SULF2: variants seen among roughly 807,000 people sequenced by gnomAD.
SULF2 encodes extracellular sulfatase Sulf-2.
A neutral mutation model predicts 107.7 loss-of-function variants in SULF2; 52 were observed. That is an observed-to-expected ratio of 0.48 (90% CI 0.39 to 0.61). SULF2 has a LOEUF of 0.61. Among genes scored for constraint, SULF2 ranks in the 20% least tolerant of loss-of-function variants. SULF2 has a pLI of 0.00. For synonymous variants in SULF2, 460 were observed against 464.3 expected, an observed-to-expected ratio of 0.99 and a Z score of 0.12; for missense variants, 993 against 1,177.3, an observed-to-expected ratio of 0.84 and a Z score of 2.29.
intron 10 of SULF2, among the ~76,000 whole-genome samples, chr20:47,674,669 C>T (rs1355211441): frequency 6.6e-6 from 1 of 152,170 alleles, no homozygotes; most frequent in African/African-American, 2.4e-5. Context: ...CACGTTTGTT[C>T]AGCAAATGAC....
intron 13 of SULF2, 114 bp downstream of exon 13, chr20:47,665,743 T>C (rs941043593): frequency 2.4e-6 from 2 of 838,004 alleles, no homozygotes; most frequent in Non-Finnish European, 3.9e-6. Flanking sequence ...GGACCTCACT[T>C]CACCTCTCCA....
chr20:47,768,524 C>T (rs187858670), intron 1 of SULF2, among the ~76,000 whole-genome samples: 2 of 152,366 alleles, frequency 1.3e-5, no homozygotes, highest in East Asian at 3.9e-4. Flanking sequence ...GCTTCCTGGC[C>T]ACCTCGTGCC....
intron 1 of SULF2, among the ~76,000 whole-genome samples, chr20:47,780,174 A>C (rs1472906910): frequency 6.7e-6 from 1 of 150,026 alleles, no homozygotes; most frequent in Non-Finnish European, 1.5e-5. Flanking sequence ...GTGCCACCAC[A>C]CCTGGCTAAT....
chr20:47,658,932 T>G (rs2086979974), intron 20 of SULF2, among the ~76,000 whole-genome samples: 1 of 152,206 alleles, frequency 6.6e-6, no homozygotes. Flanking sequence ...ACTGGCCTGC[T>G]CCCTTTAGAA....
intron 2 of SULF2, among the ~76,000 whole-genome samples, chr20:47,756,148 A>G (rs1356546530): frequency 6.6e-6 from 1 of 152,230 alleles, no homozygotes; most frequent in African/African-American, 2.4e-5. Flanking sequence ...TGTGAGACCA[A>G]GAAGCTCTGA....
rs1278697937 is a variant in SULF2, at chr20:47,658,316, G to A, written c.*46C>T. On this transcript the variant is annotated 3_prime_UTR_variant, in exon 21 of 21. Coordinates refer to ENST00000688720, the MANE Select transcript of SULF2 (RefSeq NM_001387048.1). ...CACATGGTTTTTCATTGCCTGTGCA[G>A]TCAGGTGATGCCTCTATGTTTTTGG... 6.2e-7 allele frequency: 1 copy of A among 1,604,958 alleles called. No individual in the cohort carries two copies. Among genetic ancestry groups the A allele is most frequent in the African/African-American group, 1.3e-5 (1 of 74,734 alleles).
Position 47,666,311 on chromosome 20 carries a change from G to T in SULF2, c.1754C>A (p.Thr585Asn). 1 of 1,614,260 alleles carries T rather than the reference G, an allele frequency of 6.2e-7. No homozygotes were observed. The highest frequency in any genetic ancestry group is 8.5e-7 in the Non-Finnish European group (1 of 1,180,058). Residue 585 changes from threonine to asparagine, a missense_variant, in exon 12 of 21, where the codon ACT (threonine) becomes AAT (asparagine). Coordinates refer to ENST00000688720, the MANE Select transcript of SULF2 (RefSeq NM_001387048.1). This position sits in a 1 kb window ranked among gnomAD's most constrained non-coding sequence, Gnocchi z 5.4. ...GGCTGAGTAGTCGGGAAGGCCTCCA[G>T]TGCCACTGAAGTCCCCACCATCCTT... ...DDKDGGDFSG[T>N]GGLPDYSAAN...
chr20:47,659,961 A>T (rs1320629060), intron 18 of SULF2, among the ~76,000 whole-genome samples: 2 of 152,192 alleles, frequency 1.3e-5, no homozygotes, highest in African/African-American at 2.4e-5. Flanking sequence ...CACCATGATC[A>T]GTTTCAGGAC....
chr20:47,701,116 G>A (rs906215403), intron 4 of SULF2, among the ~76,000 whole-genome samples: 4 of 152,196 alleles, frequency 2.6e-5, no homozygotes, highest in Non-Finnish European at 5.9e-5. Flanking sequence ...GTTGTTGAAT[G>A]AATAAATAAT....
At chr20:47,742,113 T>C (rs2089898523) in intron 2 of SULF2, among the ~76,000 whole-genome samples, 1 of 152,234 alleles carries the variant, frequency 6.6e-6, no homozygotes, top group African/African-American at 2.4e-5. Flanking sequence ...CAGTGCTATG[T>C]GCTAAGCCTC....
At chr20:47,706,422 G>C (rs192725245) in intron 3 of SULF2, 3 of 152,324 alleles carry the variant, frequency 2.0e-5, no homozygotes, top group Admixed American at 1.3e-4. Context: ...TTGTGGGCCA[G>C]AGGGTCAAAG....
At chr20:47,724,358 C>T (rs2089379902) in intron 3 of SULF2, among the ~76,000 whole-genome samples, 1 of 152,194 alleles carries the variant, frequency 6.6e-6, no homozygotes. Flanking sequence ...CTGTCTTCCG[C>T]CTGCCTGTTT....
chr20:47,669,590 C>T (rs1252691384), intron 11 of SULF2, among the ~76,000 whole-genome samples: 2 of 151,710 alleles, frequency 1.3e-5, no homozygotes, highest in African/African-American at 4.9e-5. Context: ...AGTGTCTTGT[C>T]GGAGACTCTA....
In SULF2 at chr20:47,666,066, C is replaced by T. The variant is rs376675536; in HGVS notation, c.1806-113G>A. 2.3e-4 allele frequency: 370 copies of T among 1,597,392 alleles called. No individual in the cohort carries two copies. Among genetic ancestry groups the T allele is most frequent in the Non-Finnish European group, 2.9e-4 (337 of 1,166,554 alleles). ...AGGTCTGTCCTGTCCCCTTCACCCT[C>T]GACTTCCACCTGGACACTCACCGAT... On this transcript the variant is annotated intron_variant, in intron 12 of 20. Coordinates refer to ENST00000688720, the MANE Select transcript of SULF2 (RefSeq NM_001387048.1). The surrounding 1 kb of genome is among the most constrained non-coding windows in gnomAD (Gnocchi z 5.4).
intron 20 of SULF2, 81 bp from the exon 21 acceptor site, chr20:47,658,473 G>A: frequency 3.5e-6 from 5 of 1,442,678 alleles, no homozygotes; most frequent in Non-Finnish European, 4.9e-6. Context: ...TATAGCTGAG[G>A]AAGCTTTGCT....
intron 2 of SULF2, among the ~76,000 whole-genome samples, chr20:47,741,990 G>C (rs572665707): frequency 1.3e-5 from 2 of 152,338 alleles, no homozygotes; most frequent in African/African-American, 4.8e-5. Flanking sequence ...CGAGCTGTGA[G>C]GTGCTCTTGG....
At chr20:47,660,739 C>T (rs923988197) in intron 18 of SULF2, among the ~76,000 whole-genome samples, 2 of 152,074 alleles carry the variant, frequency 1.3e-5, no homozygotes, top group African/African-American at 2.4e-5. Flanking sequence ...TTCCAAAGCC[C>T]TGGAATCATA....
chr20:47,688,362 A>G (rs577199823), intron 5 of SULF2, among the ~76,000 whole-genome samples: 2 of 152,244 alleles, frequency 1.3e-5, no homozygotes, highest in African/African-American at 4.8e-5. Flanking sequence ...GCTTCTCCAC[A>G]TAAGAGCAGA....
intron 2 of SULF2, 51 bp from the exon 3 acceptor site, chr20:47,736,993 C>G (rs761335946): frequency 6.2e-7 from 1 of 1,608,044 alleles, no homozygotes; most frequent in South Asian, 1.1e-5. Flanking sequence ...CCGGGCGGCA[C>G]CGGCACCAGG....
Sources: gnomAD v4.1 joint callset for allele counts (sites outside exome capture counted in the v4.1 genomes callset) on GRCh38, gnomAD v4.1.1 for gene constraint, Gnocchi (gnomAD v3.1) non-coding constraint, MANE v1.5 for transcripts, NCBI Gene and HGNC (gene_info 2026-07-23, HGNC 2026-07-21) for gene names.